The following CLEC6A variants were observed in gnomAD, a reference collection of about 807,000 sequenced individuals.
CLEC6A encodes the protein C-type lectin domain containing 6A.
A neutral mutation model predicts 25.7 loss-of-function variants in CLEC6A; 22 were observed. That is an observed-to-expected ratio of 0.85 (90% confidence interval 0.61 to 1.22). The LOEUF (loss-of-function observed/expected upper bound fraction) is 1.22, where lower values mean the gene tolerates loss of function less well. Among genes scored for constraint, CLEC6A ranks in the 50% most tolerant of loss-of-function variants. CLEC6A has a pLI of 0.00. For synonymous variants in CLEC6A, 92 were observed against 76.7 expected, an observed-to-expected ratio of 1.20 and a Z score of -1.04; for missense variants, 240 against 236.8, an observed-to-expected ratio of 1.01 and a Z score of -0.09.
intron 4 of CLEC6A, among the ~76,000 whole-genome samples, chr12:8,473,792 T>G (rs2136366326): frequency 6.6e-6 from 1 of 152,318 alleles, no homozygotes; most frequent in South Asian, 2.1e-4. Flanking sequence ...AGATGGTATC[T>G]CATTGTGCTT....
chr12:8,457,562 C>T (rs4622339), intron 1 of CLEC6A, among the ~76,000 whole-genome samples: 114,422 of 152,146 alleles, frequency 0.75, 43,468 homozygotes, highest in East Asian at 0.99. Context: ...CTTGGATATA[C>T]TGAAGAAACC....
chr12:8,475,738 A>T lies in CLEC6A; in HGVS notation c.370-387A>T, dbSNP rs542549937. 1.6e-4 allele frequency among the ~76,000 whole-genome samples: 25 copies of T among 152,226 alleles called. 1 individual carries two copies. The highest frequency in any genetic ancestry group is 6.8e-3 in the Middle Eastern group (2 of 294). ...GCTTACCAATTCAAATGCTAATCTCATCTGAAAACACCCTAACTCTCATCT... is the reference window on the plus strand; with the variant it reads ...GCTTACCAATTCAAATGCTAATCTCTTCTGAAAACACCCTAACTCTCATCT... On this transcript the variant is annotated intron_variant, in intron 4 of 5. Coordinates refer to ENST00000382073, the MANE Select transcript of CLEC6A (RefSeq NM_001007033.2).
chr12:8,456,172 T>G, intron 1 of CLEC6A, 30 bp downstream of exon 1: 1 of 1,607,414 alleles, frequency 6.2e-7, no homozygotes, highest in Non-Finnish European at 8.5e-7. Context: ...CAGAGGAAAG[T>G]GGAAGTGTAT....
At chr12:8,460,101 C>T (rs1338532874) in intron 3 of CLEC6A, among the ~76,000 whole-genome samples, 1 of 152,144 alleles carries the variant, frequency 6.6e-6, no homozygotes, top group Non-Finnish European at 1.5e-5. Context: ...CAAATTGGTT[C>T]AGGATGAGAC....
intron 3 of CLEC6A, 113 bp downstream of exon 3, chr12:8,459,811 C>A (rs1015087498): frequency 4.3e-6 from 3 of 704,572 alleles, no homozygotes; most frequent in Non-Finnish European, 5.0e-6. Context: ...TTTATTAAAG[C>A]CTCTGCTTGG....
At chr12:8,465,785 G>A (rs771543827) in intron 4 of CLEC6A, among the ~76,000 whole-genome samples, 156 bp downstream of exon 4, 3 of 151,992 alleles carry the variant, frequency 2.0e-5, no homozygotes, top group East Asian at 3.9e-4. Flanking sequence ...TGCAAAACTG[G>A]AACTCCCCAC....
At chr12:8,475,371 T>C (rs1426306300) in intron 4 of CLEC6A, among the ~76,000 whole-genome samples, 2 of 151,424 alleles carry the variant, frequency 1.3e-5, no homozygotes, top group Non-Finnish European at 2.9e-5. Context: ...TGTGTGTCTA[T>C]ACACACACTC....
intron 4 of CLEC6A, among the ~76,000 whole-genome samples, chr12:8,474,720 A>G (rs930361184): frequency 6.6e-6 from 1 of 152,176 alleles, no homozygotes; most frequent in Non-Finnish European, 1.5e-5. Context: ...GCCTTGATAA[A>G]GTTACTTATA....
At position 8,460,582 on chromosome 12, in the gene CLEC6A, C is replaced by G. The variant is rs1428242290; in HGVS notation, c.223+884C>G. The stretch of plus-strand genomic sequence containing the variant: ...TCAGCTTCATGGAAAAGGGGAAGAG[C>G]CTTTCTGTCTGGCGGAAGCCATCAC... On this transcript the variant is annotated intron_variant, in intron 3 of 5. Transcript: ENST00000382073. 52 of 1,016,228 alleles carry G rather than the reference C, an allele frequency of 5.1e-5. No homozygotes were observed. The East Asian group carries it at 1.2e-3, about 24-fold the overall frequency. The allele number at this position is 1,016,228 out of a possible 1,614,324, so 63.0% of individuals were successfully genotyped here.
intron 4 of CLEC6A, among the ~76,000 whole-genome samples, chr12:8,475,519 T>C (rs556616957): frequency 3.9e-5 from 6 of 152,020 alleles, no homozygotes; most frequent in African/African-American, 1.4e-4. Flanking sequence ...TTCAAAGGCC[T>C]GAAATCCAGG....
At position 8,462,223 on chromosome 12, in the gene CLEC6A, T is replaced by C. The variant is rs376540450; in HGVS notation, c.223+2525T>C. Among the ~76,000 whole-genome samples, 26 of 144,926 alleles carry C rather than the reference T, an allele frequency of 1.8e-4. 1 individual carries two copies. The South Asian group carries it at 3.8e-3, about 21-fold the overall frequency. ...CTCAAGTACCCAGGGACACAAACAC[T>C]GCGGAAGGCCGCAGGGACCTCTGCC... On this transcript the variant is annotated intron_variant, in intron 3 of 5. Transcript: ENST00000382073.
intron 4 of CLEC6A, among the ~76,000 whole-genome samples, chr12:8,474,821 A>G (rs889893914): frequency 5.3e-5 from 8 of 152,222 alleles, no homozygotes; most frequent in African/African-American, 1.9e-4. Context: ...TAAATCGACT[A>G]TAGTTAAAAC....
rs1401812284 is a variant in CLEC6A, at chr12:8,461,435, G to A, written c.223+1737G>A. ...GCACCTTAGCTTTTGCCTTCAGAAT[G>A]CCCTGAAATGGGACAGAGATGGATA... On this transcript the variant is annotated intron_variant, in intron 3 of 5. Coordinates refer to ENST00000382073, the MANE Select transcript of CLEC6A (RefSeq NM_001007033.2). Among the ~76,000 whole-genome samples the A allele has an allele frequency of 2.6e-5, 4 of 152,172 alleles. No individual in the cohort carries two copies. The East Asian group carries it at 7.7e-4, about 29-fold the overall frequency.
Position 8,476,172 on chromosome 12 carries a change from G to T in CLEC6A, c.417G>T (p.Gly139=). The T allele has an allele frequency of 6.2e-7, 1 of 1,610,246 alleles. No individual in the cohort carries two copies. Among genetic ancestry groups the T allele is most frequent in the East Asian group, 2.2e-5 (1 of 44,844 alleles). ...QLNESFSYFL[G]LSDPQGNNNW... is the part of the protein sequence containing the mutation. ...ATGAGTCATTTTCTTATTTTCTGGG[G>T]CTTTCAGACCCACAAGGTAATAATA... Residue 139 remains glycine, a synonymous_variant, in exon 5 of 6, where the codon GGG becomes GGT. Transcript: ENST00000382073.
rs564126066 is a variant in CLEC6A, at chr12:8,461,282, C to CA, written c.223+1593dup. 1,045 of 485,160 alleles carry CA rather than the reference C, an allele frequency of 2.2e-3. 3 individuals are homozygous for CA. Among genetic ancestry groups the CA allele is most frequent in the East Asian group, 6.7e-3 (201 of 30,040 alleles). 30.1% of individuals were successfully genotyped at this position (485,160 alleles called of 1,614,324 possible). A position where few individuals can be genotyped will look rare whatever the true frequency, so the allele number is the denominator to read the frequency against. On this transcript the variant is annotated intron_variant, in intron 3 of 5. Coordinates refer to ENST00000382073, the MANE Select transcript of CLEC6A (RefSeq NM_001007033.2). ...TACCTAATAAGCAATTTAGGACAGT[C>CA]AAAAAAAAACAAGAAAAGAAAAGAA...
At chr12:8,458,533 G>A (rs10770734) in intron 2 of CLEC6A, among the ~76,000 whole-genome samples, 112,170 of 151,918 alleles carry the variant, frequency 0.74, 42,096 homozygotes, top group East Asian at 0.99. Flanking sequence ...TTTCCTCTCC[G>A]ATTCACAATT....
chr12:8,473,932 T>C lies in CLEC6A; in HGVS notation c.370-2193T>C, dbSNP rs767384153. On this transcript the variant is annotated intron_variant, in intron 4 of 5. Transcript: ENST00000382073. ...TTTTTTAATGGGGTTGTTTGTTTCTTGTTTGTTCAATTGTTCAAGTTCCAG... is the reference window on the plus strand; with the variant it reads ...TTTTTTAATGGGGTTGTTTGTTTCTCGTTTGTTCAATTGTTCAAGTTCCAG... 9.2e-5 allele frequency among the ~76,000 whole-genome samples: 14 copies of C among 152,300 alleles called. No homozygotes were observed. In the South Asian group the frequency reaches 1.9e-3, roughly 20 times the overall value.
At position 8,477,407 on chromosome 12, in the gene CLEC6A, T is replaced by C; in HGVS notation, c.573T>C (p.Asp191=). 6.2e-7 allele frequency: 1 copy of C among 1,611,862 alleles called. No individual in the cohort carries two copies. The highest frequency in any genetic ancestry group is 1.1e-5 in the South Asian group (1 of 90,870). ...FWKPTGWGWN[D]VICETRRNSI... is the part of the protein sequence containing the mutation. ...AACCTACAGGATGGGGCTGGAATGATGTTATCTGTGAAACTAGAAGGAATT... is the reference window on the plus strand; with the variant it reads ...AACCTACAGGATGGGGCTGGAATGACGTTATCTGTGAAACTAGAAGGAATT... Residue 191 remains aspartate (D), a synonymous_variant, in exon 6 of 6, where the codon GAT becomes GAC. Transcript: ENST00000382073.
At chr12:8,474,910 T>C (rs1939951549) in intron 4 of CLEC6A, among the ~76,000 whole-genome samples, 1 of 152,162 alleles carries the variant, frequency 6.6e-6, no homozygotes, top group Non-Finnish European at 1.5e-5. Context: ...ATACTTTAAG[T>C]TCTAGGGTAC....
Sources: allele counts gnomAD v4.1 joint callset (sites outside exome capture counted in the v4.1 genomes callset), GRCh38; gene constraint gnomAD v4.1.1; transcripts MANE v1.5; gene names NCBI Gene and HGNC (gene_info 2026-07-23, HGNC 2026-07-21).